Variants in LRRC66 observed in about 807,000 individuals in gnomAD.
The protein encoded by LRRC66 is leucine-rich repeat-containing protein 66.
Under a neutral mutation model 24.6 loss-of-function variants are expected in LRRC66, and 29 were observed. The ratio of observed to expected loss-of-function variants is 1.18; its 90% CI spans 0.88 to 1.61. LRRC66 has a LOEUF of 1.61. Ranked by LOEUF, LRRC66 falls within the 40% of genes most tolerant of loss-of-function variation. The pLI, the probability that LRRC66 is intolerant of heterozygous loss-of-function variation, is 0.00. For synonymous variants in LRRC66, 411 were observed against 397.6 expected (o/e 1.03, Z -0.40); for missense variants, 1,124 against 1,058.0 (o/e 1.06, Z -0.87).
At chr4:52,007,364 T>G (rs991401671) in intron 2 of LRRC66, among the ~76,000 whole-genome samples, 3 of 152,088 alleles carry the variant, frequency 2.0e-5, no homozygotes, top group Admixed American at 6.6e-5. Flanking sequence ...CTTTTAATTT[T>G]TTGTAGAGAT....
chr4:52,011,671 T>C (rs796959797), intron 2 of LRRC66, among the ~76,000 whole-genome samples: 2 of 152,216 alleles, frequency 1.3e-5, no homozygotes, highest in African/African-American at 4.8e-5. Flanking sequence ...CTAATGCTTT[T>C]GAACACCTGC....
intron 3 of LRRC66, among the ~76,000 whole-genome samples, chr4:51,999,341 TAATC>T (rs1289745371): frequency 6.6e-6 from 1 of 152,220 alleles, no homozygotes; most frequent in Non-Finnish European, 1.5e-5. Context: ...TTCAAGCAAA[TAATC>T]AAACACTGCC....
rs1045536470 is a variant in LRRC66 at position 51,994,174 on chromosome 4, G to C, written c.*205C>G. ...AAGAGCAGGTTCATCCCCATAGGATGTTAACAAGTGTGTTTAGCTTATAAC... is the reference window on the plus strand; with the variant it reads ...AAGAGCAGGTTCATCCCCATAGGATCTTAACAAGTGTGTTTAGCTTATAAC... On this transcript the variant is annotated 3_prime_UTR_variant, in exon 5 of 5. Transcript: ENST00000682860. The C allele has an allele frequency of 1.8e-6, 1 of 550,646 alleles. No homozygotes were observed. Among genetic ancestry groups the C allele is most frequent in the African/African-American group, 1.9e-5 (1 of 53,118 alleles). The allele number at this position is 550,646 out of a possible 1,614,324, so 34.1% of individuals were successfully genotyped here.
At chr4:52,018,252 T>TGAA (rs1736864060) in intron 1 of LRRC66, 1 of 985,196 alleles carries the variant, frequency 1.0e-6, no homozygotes, top group African/African-American at 1.7e-5. Flanking sequence ...CTCCAAGCCA[T>TGAA]GAAGATGTAA....
At chr4:52,018,070 ACCGTGACCCT>A (rs1421547558) in intron 1 of LRRC66, 1 of 985,302 alleles carries the variant, frequency 1.0e-6, no homozygotes, top group Non-Finnish European at 1.2e-6. Flanking sequence ...GTTACACTAA[ACCGTGACCCT>A]CCATAACTCT....
chr4:52,020,068 G>A (rs1560564429), intron 1 of LRRC66, among the ~76,000 whole-genome samples: 1 of 152,078 alleles, frequency 6.6e-6, no homozygotes, highest in Non-Finnish European at 1.5e-5. Flanking sequence ...ATTTCAAAAT[G>A]GAAATAGTCA....
At position 51,997,081 on chromosome 4, in the gene LRRC66, A is replaced by T. The variant is rs547173849; in HGVS notation, c.856+667T>A. Among the ~76,000 whole-genome samples, 3 of 152,078 alleles carry T rather than the reference A, an allele frequency of 2.0e-5. No homozygotes were observed. In the South Asian group the frequency reaches 6.2e-4, roughly 32 times the overall value. On this transcript the variant is annotated intron_variant, in intron 4 of 4. Coordinates refer to ENST00000682860, the MANE Select transcript of LRRC66 (RefSeq NM_001024611.3). ...AGTCCTGAATAGAACAGAATCTATG[A>T]CTCATTTTTTTCATGGACTTTTTCT...
Position 51,993,666 on chromosome 4 carries a change from A to G in LRRC66, c.*713T>C, listed in dbSNP as rs1009974993. On this transcript the variant is annotated 3_prime_UTR_variant, in exon 5 of 5. Transcript: ENST00000682860. ...TTTCTTGAAAATTGATTTTTAATTT[A>G]CACTTTATTCTAAAAAGTGGCCCCT... 1 of 152,218 alleles carries G rather than the reference A, an allele frequency of 6.6e-6. No individual in the cohort carries two copies. The highest frequency in any genetic ancestry group is 1.5e-5 in the Non-Finnish European group (1 of 68,028). 9.4% of individuals were successfully genotyped at this position (152,218 alleles called of 1,614,324 possible).
chr4:51,998,976 G>C (rs377714504), intron 3 of LRRC66, among the ~76,000 whole-genome samples: 1 of 152,054 alleles, frequency 6.6e-6, no homozygotes, highest in African/African-American at 2.4e-5. Flanking sequence ...AGGAAGGAAG[G>C]AATTAATGAA....
chr4:52,017,078 C>G, intron 2 of LRRC66, 40 bp downstream of exon 2: 8 of 1,556,032 alleles, frequency 5.1e-6, no homozygotes, highest in Non-Finnish European at 6.9e-6. Context: ...AACAACTCCA[C>G]GTAAGCATTG....
rs147911511 is a variant in LRRC66 at position 52,003,074 on chromosome 4, C to T, written c.666+149G>A. 1.1e-3 allele frequency: 622 copies of T among 571,766 alleles called. 2 individuals carry two copies. Among genetic ancestry groups the T allele is most frequent in the African/African-American group, 0.011 (559 of 52,310 alleles). The allele number at this position is 571,766 out of a possible 1,614,324, so 35.4% of individuals were successfully genotyped here. On this transcript the variant is annotated intron_variant, in intron 3 of 4. Coordinates refer to ENST00000682860, the MANE Select transcript of LRRC66 (RefSeq NM_001024611.3). Reference sequence around the variant, plus strand: ...TTTTGAGGCAAGAAAGAGACTTCAGCTCTTTTAAGGGATCTTAAAATAGAC... The same window carrying T: ...TTTTGAGGCAAGAAAGAGACTTCAGTTCTTTTAAGGGATCTTAAAATAGAC...
At position 51,998,219 on chromosome 4, in the gene LRRC66, C is replaced by T. The variant is rs147828901; in HGVS notation, c.667-282G>A. Among the ~76,000 whole-genome samples, 11 of 152,214 alleles carry T rather than the reference C, an allele frequency of 7.2e-5. No individual in the cohort carries two copies. In the East Asian group the frequency reaches 1.9e-3, roughly 27 times the overall value. On this transcript the variant is annotated intron_variant, in intron 3 of 4. Coordinates refer to ENST00000682860, the MANE Select transcript of LRRC66 (RefSeq NM_001024611.3). ...TCAGTATCATGCCTATATTTGATGCCTAATCATTTTCTCTTCCTTCTTTCC... is the reference window on the plus strand; with the variant it reads ...TCAGTATCATGCCTATATTTGATGCTTAATCATTTTCTCTTCCTTCTTTCC...
intron 2 of LRRC66, among the ~76,000 whole-genome samples, chr4:52,015,956 CAT>C (rs1258860766): frequency 6.6e-6 from 1 of 152,042 alleles, no homozygotes; most frequent in Non-Finnish European, 1.5e-5. Context: ...ACATATATAA[CAT>C]GAATGACTTT....
intron 1 of LRRC66, chr4:52,018,236 T>C: frequency 4.1e-6 from 4 of 985,406 alleles, no homozygotes; most frequent in Non-Finnish European, 3.6e-6. Context: ...CAAATACATG[T>C]TCTGGCTCCA....
chr4:51,995,640 G>A lies in LRRC66; in HGVS notation c.1382C>T (p.Thr461Ile), dbSNP rs772187272. Residue 461 changes from threonine (T) to isoleucine (I), a missense_variant, in exon 5 of 5, where the codon ACA becomes ATA. Physicochemically the swap from Thr to Ile is moderately conservative, Grantham distance 89. Coordinates refer to ENST00000682860, the MANE Select transcript of LRRC66 (RefSeq NM_001024611.3). ...TACGGTGGCGTGTGGGTGTGGCTGT[G>A]TCACCCAGAAAGGGGTCTGGTTCTC... ...LYENQTPFWV[T>I]QPHPHATVIP... 27 of 1,613,992 alleles carry A rather than the reference G, an allele frequency of 1.7e-5. No individual in the cohort carries two copies. The highest frequency in any genetic ancestry group is 2.2e-5 in the Non-Finnish European group (26 of 1,180,038).
intron 2 of LRRC66, among the ~76,000 whole-genome samples, chr4:52,007,956 G>A (rs557093925): frequency 6.6e-6 from 1 of 152,158 alleles, no homozygotes; most frequent in Non-Finnish European, 1.5e-5. Flanking sequence ...GTTAGAGTAG[G>A]GTTAGAGATC....
intron 2 of LRRC66, among the ~76,000 whole-genome samples, chr4:52,006,917 C>T (rs1256660255): frequency 6.6e-6 from 1 of 151,852 alleles, no homozygotes; most frequent in African/African-American, 2.4e-5. Flanking sequence ...AGAACTTGCC[C>T]AACAACACCA....
chr4:51,995,395 C>G lies in LRRC66; in HGVS notation c.1627G>C (p.Ala543Pro). The change falls in exon 5 of 5, where the codon GCC becomes CCC. Residue 543 changes from alanine (A) to proline (P), a missense_variant. Coordinates refer to ENST00000682860, the MANE Select transcript of LRRC66 (RefSeq NM_001024611.3). Reference sequence around the variant, plus strand: ...TGTGCACTGAGAGGCTCTTCCTGGGCCACAGTTTCATAAGTCCATTCTCCG... The same window carrying G: ...TGTGCACTGAGAGGCTCTTCCTGGGGCACAGTTTCATAAGTCCATTCTCCG... ...ILGEWTYETV[A>P]QEEPLSAHSV... is the part of the protein sequence containing the mutation. 1.2e-6 allele frequency: 2 copies of G among 1,614,190 alleles called. No individual in the cohort carries two copies. Among genetic ancestry groups the G allele is most frequent in the South Asian group, 1.1e-5 (1 of 91,088 alleles).
chr4:52,017,790 G>A (rs1736855184), intron 1 of LRRC66, 172 bp from the exon 2 acceptor site: 1 of 985,342 alleles, frequency 1.0e-6, no homozygotes. Flanking sequence ...CTACCAAAAT[G>A]AAATAGCCAT....
Sources: allele counts gnomAD v4.1 joint callset (sites outside exome capture counted in the v4.1 genomes callset), GRCh38; gene constraint gnomAD v4.1.1; transcripts MANE v1.5; gene names NCBI Gene and HGNC (gene_info 2026-07-23, HGNC 2026-07-21).